Variants in KLC1 observed in about 807,000 individuals in gnomAD.
KLC1 encodes the protein kinesin light chain 1, also known as kinesin 2 60/70kDa.
In KLC1, 30 loss-of-function variants were observed where a neutral mutation model predicts 84.2. That is an observed-to-expected ratio of 0.36 (90% CI 0.27 to 0.48). The LOEUF (loss-of-function observed/expected upper bound fraction) is 0.48, where lower values mean the gene tolerates loss of function less well. Among genes scored for constraint, KLC1 ranks in the 20% least tolerant of loss-of-function variants. The probability of loss-of-function intolerance (pLI) is 0.99; values close to 1 mark genes in which losing one functional copy is unlikely to be tolerated. For synonymous variants in KLC1, 289 were observed against 293.3 expected, an observed-to-expected ratio of 0.99 and a Z score of 0.15; for missense variants, 499 against 805.4, an observed-to-expected ratio of 0.62 and a Z score of 4.60.
At chr14:103,663,693 C>T (rs988203503) in intron 5 of KLC1, among the ~76,000 whole-genome samples, 3 of 152,216 alleles carry the variant, frequency 2.0e-5, no homozygotes, top group African/African-American at 7.2e-5. Context: ...AAGGACGCCC[C>T]GGGGGAGTGG....
chr14:103,696,092 GCC>G (rs746987341), intron 15 of KLC1: 1 of 761,610 alleles, frequency 1.3e-6, no homozygotes, highest in South Asian at 7.2e-5. Flanking sequence ...TAATCACTGC[GCC>G]CCCGCCCCCC....
chr14:103,685,847 T>A, intron 13 of KLC1: 2 of 1,182,588 alleles, frequency 1.7e-6, no homozygotes, highest in Non-Finnish European at 2.1e-6. Flanking sequence ...CTTTGCCAGA[T>A]ATGTACTTAG....
At position 103,645,219 on chromosome 14, in the gene KLC1, C is replaced by T. The variant is rs142058539; in HGVS notation, c.-1-9345C>T. ...AACTCCCGACCTCAGGTGATCCGCCCGCCTCGGCCTCCCAAAGTGCTGGGA... is the reference window on the plus strand; with the variant it reads ...AACTCCCGACCTCAGGTGATCCGCCTGCCTCGGCCTCCCAAAGTGCTGGGA... On this transcript the variant is annotated intron_variant, in intron 1 of 16. Coordinates refer to ENST00000334553, the MANE Select transcript of KLC1 (RefSeq NM_001394837.1). Among the ~76,000 whole-genome samples, 1,040 of 152,036 alleles carry T rather than the reference C, an allele frequency of 6.8e-3. 11 individuals are homozygous for T. The highest frequency in any genetic ancestry group is 0.024 in the African/African-American group (1,001 of 41,488).
At position 103,694,285 on chromosome 14, in the gene KLC1, T is replaced by A; in HGVS notation, c.1848+1860T>A. On this transcript the variant is annotated intron_variant, in intron 15 of 16. Transcript: ENST00000334553. The surrounding 1 kb of genome is among the most constrained non-coding windows in gnomAD (Gnocchi z 4.5). ...TTTTTTTTTTGAGACGGAGTCTAAC[T>A]CTGTTGCCCAGGCTGGAGCGCAGTG... 9 of 953,890 alleles carry A rather than the reference T, an allele frequency of 9.4e-6. No individual in the cohort carries two copies. The highest frequency in any genetic ancestry group is 1.1e-5 in the Non-Finnish European group (9 of 809,340). The allele number at this position is 953,890 out of a possible 1,614,324, so 59.1% of individuals were successfully genotyped here.
rs937871325 is a variant in KLC1, at chr14:103,694,624, G to T, written c.1848+2199G>T. The T allele has an allele frequency of 6.1e-6, 6 of 985,296 alleles. No individual in the cohort carries two copies. The highest frequency in any genetic ancestry group is 7.2e-6 in the Non-Finnish European group (6 of 829,952). The allele number at this position is 985,296 out of a possible 1,614,324, so 61.0% of individuals were successfully genotyped here. ...GTGATCAGTGATTCCAAAGGCTGACGCTCAGCAGCGCCACCTCCATGCCAG... is the reference window on the plus strand; with the variant it reads ...GTGATCAGTGATTCCAAAGGCTGACTCTCAGCAGCGCCACCTCCATGCCAG... On this transcript the variant is annotated intron_variant, in intron 15 of 16. Coordinates refer to ENST00000334553, the MANE Select transcript of KLC1 (RefSeq NM_001394837.1). The surrounding 1 kb of genome is among the most constrained non-coding windows in gnomAD (Gnocchi z 4.5).
chr14:103,635,438 A>G (rs1190963085), intron 1 of KLC1, among the ~76,000 whole-genome samples: 3 of 152,160 alleles, frequency 2.0e-5, no homozygotes, highest in African/African-American at 7.2e-5. Flanking sequence ...AGCTTGGGCA[A>G]TATAGTGAGA....
intron 1 of KLC1, among the ~76,000 whole-genome samples, chr14:103,637,457 G>A (rs2077132850): frequency 6.6e-6 from 1 of 151,786 alleles, no homozygotes; most frequent in Non-Finnish European, 1.5e-5. Flanking sequence ...TTGATCCCGG[G>A]AGGCAGAGGT....
Position 103,693,488 on chromosome 14 carries a change from A to G in KLC1, c.1848+1063A>G, listed in dbSNP as rs2082238198. The G allele has an allele frequency of 7.8e-6, 12 of 1,533,658 alleles. No homozygotes were observed. The East Asian group carries it at 2.2e-4, about 28-fold the overall frequency. ...AGCTGGTACTGTTAGGCCTGAGGCC[A>G]TTTGAAGCTGGCATCATTTGAAGTC... On this transcript the variant is annotated intron_variant, in intron 15 of 16. Coordinates refer to ENST00000334553, the MANE Select transcript of KLC1 (RefSeq NM_001394837.1). This position sits in a 1 kb window ranked among gnomAD's most constrained non-coding sequence, Gnocchi z 5.1.
chr14:103,695,144 G>T (rs1442718322), intron 15 of KLC1: 2 of 960,116 alleles, frequency 2.1e-6, no homozygotes, highest in Non-Finnish European at 2.5e-6. Flanking sequence ...GGGATTAAAA[G>T]AAAAAATGTT....
intron 1 of KLC1, among the ~76,000 whole-genome samples, chr14:103,648,240 C>G (rs150559094): frequency 1.3e-5 from 2 of 152,118 alleles, no homozygotes; most frequent in African/African-American, 4.8e-5. Context: ...TGAGCCACCG[C>G]GCCCAGCCTG....
Position 103,669,597 on chromosome 14 carries a change from C to G in KLC1, c.884C>G (p.Ala295Gly). 1 of 1,581,338 alleles carries G rather than the reference C, an allele frequency of 6.3e-7. No individual in the cohort carries two copies. Among genetic ancestry groups the G allele is most frequent in the Non-Finnish European group, 8.7e-7 (1 of 1,150,406 alleles). ...REKTLGKDHP[A>G]VAATLNNLAV... ...AAAACTTTGGGCAAAGATCATCCTG[C>G]GGTTTGTATATCCAGTTCTTTCATT... is the stretch of plus-strand genomic sequence containing the variant. The change falls in exon 6 of 17, where the codon GCG becomes GGG. Residue 295 changes from alanine (A) to glycine (G), a missense_variant and splice_region_variant. Ala to Gly is a moderately conservative substitution (Grantham distance 60). Transcript: ENST00000334553.
At chr14:103,685,461 C>T in intron 13 of KLC1, 3 of 1,220,828 alleles carry the variant, frequency 2.5e-6, no homozygotes, top group South Asian at 1.4e-5. Context: ...AGGCCCAGCA[C>T]CTGCTTTATG....
At chr14:103,656,963 C>T (rs2078883312) in intron 2 of KLC1, among the ~76,000 whole-genome samples, 1 of 152,168 alleles carries the variant, frequency 6.6e-6, no homozygotes. Flanking sequence ...CCAGTGAGCA[C>T]TCTGTAGGCA....
chr14:103,631,668 G>C (rs911847843), intron 1 of KLC1, among the ~76,000 whole-genome samples: 1 of 151,956 alleles, frequency 6.6e-6, no homozygotes, highest in African/African-American at 2.4e-5. Flanking sequence ...TGTGATCCCC[G>C]CTCACTGCAA....
In KLC1 at chr14:103,700,670, GCCTC is replaced by G; in HGVS notation, c.1865_1868del (p.Ala622ValfsTer19). 6.2e-7 allele frequency: 1 copy of G among 1,607,864 alleles called. No homozygotes were observed. The highest frequency in any genetic ancestry group is 2.3e-5 in the East Asian group (1 of 44,386). ...TCATCTCCAGGGCGTCTCTGGCCGAGCCTCTTTTTGTGGAAAACGACAGCAGCAG... is the reference window on the plus strand; with the variant it reads ...TCATCTCCAGGGCGTCTCTGGCCGAGTTTTTGTGGAAAACGACAGCAGCAG... On this transcript the variant is annotated frameshift_variant, in exon 16 of 17. Transcript: ENST00000334553. LOFTEE classifies it high-confidence loss of function.
At chr14:103,680,321 A>G (rs1229922159) in intron 13 of KLC1, among the ~76,000 whole-genome samples, 5 of 142,894 alleles carry the variant, frequency 3.5e-5, no homozygotes, top group Non-Finnish European at 6.1e-5. Flanking sequence ...TTGGTATTTT[A>G]CTTTTGTCAG....
chr14:103,692,365 G>A lies in KLC1; in HGVS notation c.1788G>A (p.Lys596=). ...GTCCGTGTCCGGGTTGCAGCATGAA[G>A]CGTGCCAGCTCTCTGAATGTCCTTA... ...RESEPKNPGM[K]RASSLNVLNV... is the part of the protein sequence containing the mutation. Residue 596 remains lysine, a synonymous_variant, in exon 15 of 17, where the codon AAG becomes AAA. Coordinates refer to ENST00000334553, the MANE Select transcript of KLC1 (RefSeq NM_001394837.1). The A allele has an allele frequency of 6.5e-7, 1 of 1,536,688 alleles. No homozygotes were observed. Among genetic ancestry groups the A allele is most frequent in the South Asian group, 1.2e-5 (1 of 84,064 alleles).
At chr14:103,660,999 A>G (rs901476975) in intron 3 of KLC1, among the ~76,000 whole-genome samples, 1 of 152,160 alleles carries the variant, frequency 6.6e-6, no homozygotes, top group Admixed American at 6.5e-5. Context: ...CTTGGAGAAA[A>G]CATCCAGTGA....
At chr14:103,685,061 G>C (rs1312418812) in intron 13 of KLC1, 1 of 1,548,598 alleles carries the variant, frequency 6.5e-7, no homozygotes, top group Non-Finnish European at 8.7e-7. Flanking sequence ...GCGGGGCGCA[G>C]GCCCTGCCGT....
Sources: allele counts gnomAD v4.1 joint callset (sites outside exome capture counted in the v4.1 genomes callset), GRCh38; gene constraint gnomAD v4.1.1; non-coding constraint Gnocchi (gnomAD v3.1); transcripts MANE v1.5; gene names NCBI Gene and HGNC (gene_info 2026-07-23, HGNC 2026-07-21).